PTBP3: variants seen among roughly 807,000 people sequenced by gnomAD.
The protein encoded by PTBP3 is polypyrimidine tract-binding protein 3.
PTBP3 carries 20 observed loss-of-function variants against 58.7 expected under a neutral mutation model. The ratio of observed to expected loss-of-function variants is 0.34; its 90% CI spans 0.24 to 0.50. The LOEUF is 0.50. Among genes scored for constraint, PTBP3 ranks in the 20% least tolerant of loss-of-function variants. PTBP3 has a pLI of 0.98. For synonymous variants in PTBP3, 185 were observed against 219.8 expected (o/e 0.84, Z 1.40); for missense variants, 509 against 637.2 (o/e 0.80, Z 2.17).
intron 5 of PTBP3, among the ~76,000 whole-genome samples, chr9:112,254,042 C>T (rs1216007415): frequency 3.9e-5 from 6 of 152,110 alleles, no homozygotes; most frequent in Admixed American, 3.9e-4. Context: ...CTGTTACCAA[C>T]CACTATGGTA....
chr9:112,320,183 T>C (rs528693825), intron 1 of PTBP3, among the ~76,000 whole-genome samples: 87 of 150,354 alleles, frequency 5.8e-4, no homozygotes, highest in Non-Finnish European at 1.0e-3. Context: ...GAGGCTGAGG[T>C]GGGAGGATCA....
At chr9:112,322,698 G>C (rs1298846086) in intron 1 of PTBP3, among the ~76,000 whole-genome samples, 1 of 152,170 alleles carries the variant, frequency 6.6e-6, no homozygotes, top group Non-Finnish European at 1.5e-5. Context: ...AGACTAAAGA[G>C]ACAAAACAAG....
chr9:112,236,866 C>T (rs537730307), intron 7 of PTBP3, among the ~76,000 whole-genome samples: 5 of 152,122 alleles, frequency 3.3e-5, no homozygotes, highest in South Asian at 2.1e-4. Flanking sequence ...GGATCTTTAG[C>T]GTGGGCCCTA....
At chr9:112,347,569 T>C in the PTBP3 span, among the ~76,000 whole-genome samples, 1 of 152,114 alleles carries the variant, frequency 6.6e-6, no homozygotes, top group Non-Finnish European at 1.5e-5. Flanking sequence ...TCTCGAACTC[T>C]TGGGCTCAAG....
rs899233989 is a variant in PTBP3 at position 112,221,315 on chromosome 9, C to T, written c.*2536G>A. ...CACACAAACACACCCCTACACAAAT[C>T]CCTGAAAAGGATTCAAATGTTCTCT... On this transcript the variant is annotated 3_prime_UTR_variant, in exon 14 of 14. Transcript: ENST00000374257. 1.0e-6 allele frequency: 1 copy of T among 985,596 alleles called. No homozygotes were observed. Among genetic ancestry groups the T allele is most frequent in the Non-Finnish European group, 1.2e-6 (1 of 829,898 alleles). The allele number at this position is 985,596 out of a possible 1,614,324, so 61.1% of individuals were successfully genotyped here. A position where few individuals can be genotyped will look rare whatever the true frequency, so the allele number is the denominator to read the frequency against.
intron 1 of PTBP3, among the ~76,000 whole-genome samples, chr9:112,330,848 G>GT (rs1285980554): frequency 6.6e-6 from 1 of 152,118 alleles, no homozygotes; most frequent in Non-Finnish European, 1.5e-5. Flanking sequence ...CGTGTCTGAG[G>GT]TTTTAAATGA....
the PTBP3 span, among the ~76,000 whole-genome samples, chr9:112,359,081 C>T: frequency 1.9e-4 from 29 of 152,256 alleles, no homozygotes; most frequent in Admixed American, 3.9e-4. Context: ...GGGAATCTCC[C>T]ATCTTAGCCT....
the PTBP3 span, among the ~76,000 whole-genome samples, chr9:112,351,044 C>T: frequency 6.6e-6 from 1 of 152,194 alleles, no homozygotes; most frequent in South Asian, 2.1e-4. Context: ...CTCAGCCTCC[C>T]AAAGTGCTGG....
At chr9:112,282,573 A>C (rs1827916907) in intron 2 of PTBP3, among the ~76,000 whole-genome samples, 1 of 151,988 alleles carries the variant, frequency 6.6e-6, no homozygotes, top group Non-Finnish European at 1.5e-5. Context: ...GTTTCATTTT[A>C]TTTCTGTTCA....
At chr9:112,302,438 A>C (rs904117627) in intron 1 of PTBP3, among the ~76,000 whole-genome samples, 4 of 152,160 alleles carry the variant, frequency 2.6e-5, no homozygotes, top group Non-Finnish European at 5.9e-5. Flanking sequence ...GACATAAAAA[A>C]ACTGGAAAGA....
the PTBP3 span, among the ~76,000 whole-genome samples, chr9:112,344,927 G>A: frequency 6.6e-6 from 1 of 152,086 alleles, no homozygotes; most frequent in Non-Finnish European, 1.5e-5. Context: ...GAGGTCGGGA[G>A]TTCGAGACCA....
intron 1 of PTBP3, among the ~76,000 whole-genome samples, chr9:112,311,013 G>A (rs894473738): frequency 2.0e-5 from 3 of 152,200 alleles, no homozygotes; most frequent in African/African-American, 7.2e-5. Context: ...TACTCTGAGC[G>A]AAATGAGGGA....
chr9:112,257,279 C>T (rs1026431800), intron 5 of PTBP3, among the ~76,000 whole-genome samples: 3 of 152,140 alleles, frequency 2.0e-5, no homozygotes, highest in Non-Finnish European at 4.4e-5. Context: ...AACTGGGCAC[C>T]AACATCAGGG....
intron 2 of PTBP3, among the ~76,000 whole-genome samples, chr9:112,293,519 C>T (rs369948379): frequency 1.3e-5 from 2 of 152,220 alleles, no homozygotes; most frequent in East Asian, 1.9e-4. Context: ...AGAACTCCCT[C>T]AATTATGATT....
chr9:112,236,068 T>C (rs1260712264), intron 7 of PTBP3, among the ~76,000 whole-genome samples: 3 of 152,126 alleles, frequency 2.0e-5, no homozygotes, highest in Non-Finnish European at 4.4e-5. Context: ...GGGAGATGAC[T>C]GTATTTATAG....
At chr9:112,245,584 C>T (rs1237049870) in intron 7 of PTBP3, among the ~76,000 whole-genome samples, 1 of 152,018 alleles carries the variant, frequency 6.6e-6, no homozygotes, top group African/African-American at 2.4e-5. Context: ...TTAGTCATGC[C>T]CTATTGTCAA....
At chr9:112,361,896 G>A in the PTBP3 span, among the ~76,000 whole-genome samples, 3 of 152,160 alleles carry the variant, frequency 2.0e-5, no homozygotes, top group Non-Finnish European at 2.9e-5. Context: ...CATCCCATCC[G>A]ACACTTGTTA....
At chr9:112,266,750 G>A (rs1253537338) in intron 4 of PTBP3, among the ~76,000 whole-genome samples, 2 of 152,100 alleles carry the variant, frequency 1.3e-5, no homozygotes, top group East Asian at 3.8e-4. Context: ...TAGATATATA[G>A]ACATCTGAAT....
intron 1 of PTBP3, among the ~76,000 whole-genome samples, chr9:112,314,015 G>A (rs796700758): frequency 6.6e-5 from 10 of 152,318 alleles, no homozygotes; most frequent in African/African-American, 2.4e-4. Flanking sequence ...CCACGCAAAT[G>A]AGGTTATGTG....
Sources: gnomAD v4.1 joint callset for allele counts (sites outside exome capture counted in the v4.1 genomes callset) on GRCh38, gnomAD v4.1.1 for gene constraint, MANE v1.5 for transcripts, NCBI Gene and HGNC (gene_info 2026-07-23, HGNC 2026-07-21) for gene names.